The following PDE2A variants were observed in gnomAD, a reference collection of about 807,000 sequenced individuals.
PDE2A encodes the protein phosphodiesterase 2A, also known as cGMP-dependent 3',5'-cyclic phosphodiesterase.
PDE2A carries 53 observed loss-of-function variants against 133.6 expected under a neutral mutation model. The observed-to-expected ratio is 0.40, with a 90% CI of 0.32 to 0.50. PDE2A has a LOEUF of 0.50. PDE2A is among the 20% of genes least tolerant of loss of function. PDE2A has a pLI of 0.73. For synonymous variants in PDE2A, 491 were observed against 490.2 expected (o/e 1.00, Z -0.02); for missense variants, 796 against 1,232.4 (o/e 0.65, Z 5.30).
At chr11:72,592,363 C>G (rs1445516627) in intron 6 of PDE2A, among the ~76,000 whole-genome samples, 1 of 152,216 alleles carries the variant, frequency 6.6e-6, no homozygotes, top group African/African-American at 2.4e-5. Context: ...CCTGCCTCAG[C>G]TCTGGGTCTC....
At chr11:72,600,378 G>A (rs1856685610) in intron 4 of PDE2A, among the ~76,000 whole-genome samples, 1 of 152,080 alleles carries the variant, frequency 6.6e-6, no homozygotes, top group Non-Finnish European at 1.5e-5. Flanking sequence ...CCCAAGCACT[G>A]GGGCTTCCAA....
Position 72,597,035 on chromosome 11 carries a change from G to A in PDE2A, c.434-387C>T, listed in dbSNP as rs949547624. ...CCCAGTCTTGTGCACTTTCCACATC[G>A]AGACAGAGGACAGAGACCTAGAGAG... On this transcript the variant is annotated intron_variant, in intron 5 of 30. Coordinates refer to ENST00000334456, the MANE Select transcript of PDE2A (RefSeq NM_002599.5). The surrounding 1 kb of genome is among the most constrained non-coding windows in gnomAD (Gnocchi z 4.6). Among the ~76,000 whole-genome samples, 1 of 152,108 alleles carries A rather than the reference G, an allele frequency of 6.6e-6. No individual in the cohort carries two copies. The highest frequency in any genetic ancestry group is 2.4e-5 in the African/African-American group (1 of 41,394).
intron 2 of PDE2A, among the ~76,000 whole-genome samples, chr11:72,628,098 C>T (rs1858176507): frequency 6.6e-6 from 1 of 152,196 alleles, no homozygotes; most frequent in South Asian, 2.1e-4. Flanking sequence ...ATAGAACTTC[C>T]ATAAGCCTCA....
chr11:72,659,930 T>C lies in PDE2A; in HGVS notation c.71+14207A>G, dbSNP rs184252456. Among the ~76,000 whole-genome samples, 192 of 152,294 alleles carry C rather than the reference T, an allele frequency of 1.3e-3. 1 individual carries two copies. Among genetic ancestry groups the C allele is most frequent in the African/African-American group, 4.5e-3 (186 of 41,554 alleles). ...CATCCCTTCCCCTGCCTGGCTGCAC[T>C]GCCTCTGCCAGGAACCAAGGCCCAG... On this transcript the variant is annotated intron_variant, in intron 1 of 30. Coordinates refer to ENST00000334456, the MANE Select transcript of PDE2A (RefSeq NM_002599.5).
chr11:72,580,799 C>A (rs775815505), intron 24 of PDE2A, 87 bp downstream of exon 24: 74 of 1,010,802 alleles, frequency 7.3e-5, no homozygotes, highest in Non-Finnish European at 1.2e-4. Flanking sequence ...TGGTCTCACT[C>A]GCTCCCACCC....
At chr11:72,652,714 C>T (rs529739683) in intron 1 of PDE2A, 16 of 456,296 alleles carry the variant, frequency 3.5e-5, no homozygotes, top group South Asian at 2.0e-4. Flanking sequence ...TGAGGTCATT[C>T]GTCCAAAGTC....
At chr11:72,649,548 T>C (rs1484756201) in intron 1 of PDE2A, among the ~76,000 whole-genome samples, 2 of 152,254 alleles carry the variant, frequency 1.3e-5, no homozygotes, top group Non-Finnish European at 2.9e-5. Flanking sequence ...CCCAGGGACG[T>C]CTGGAAGGTG....
chr11:72,657,038 T>C (rs1238939496), intron 1 of PDE2A, among the ~76,000 whole-genome samples: 1 of 151,806 alleles, frequency 6.6e-6, no homozygotes, highest in African/African-American at 2.4e-5. Context: ...CATCTGTCGC[T>C]CCCCCATCCC....
chr11:72,671,656 C>A (rs985075442), intron 1 of PDE2A, among the ~76,000 whole-genome samples: 1 of 152,102 alleles, frequency 6.6e-6, no homozygotes, highest in Non-Finnish European at 1.5e-5. Flanking sequence ...AGACAATTAA[C>A]CCTCACTGAG....
At chr11:72,591,449 C>T (rs1856244719) in intron 6 of PDE2A, 93 bp from the exon 7 acceptor site, 1 of 889,650 alleles carries the variant, frequency 1.1e-6, no homozygotes, top group East Asian at 2.4e-5. Context: ...CACTGGTCCC[C>T]ACCAACACAT....
intron 18 of PDE2A, 35 bp from the exon 19 acceptor site, chr11:72,584,348 G>A (rs1855860544): frequency 1.4e-6 from 2 of 1,419,506 alleles, no homozygotes; most frequent in Non-Finnish European, 2.0e-6. Context: ...ACCACCGGTG[G>A]AGGGAGGGAT....
intron 2 of PDE2A, chr11:72,615,174 G>T (rs529758654): frequency 1.1e-5 from 5 of 448,576 alleles, no homozygotes; most frequent in Admixed American, 6.3e-5. Context: ...CCATCCACAG[G>T]AGCCTGACCC....
At chr11:72,630,831 G>A (rs1858339647) in intron 2 of PDE2A, among the ~76,000 whole-genome samples, 1 of 152,042 alleles carries the variant, frequency 6.6e-6, no homozygotes, top group African/African-American at 2.4e-5. Context: ...GGACAAGGGA[G>A]GAGTCTGTAG....
intron 2 of PDE2A, among the ~76,000 whole-genome samples, chr11:72,617,359 G>A (rs1427782655): frequency 6.6e-6 from 1 of 152,184 alleles, no homozygotes; most frequent in African/African-American, 2.4e-5. Flanking sequence ...GTCTTCTTAG[G>A]GACAAGATAG....
intron 4 of PDE2A, among the ~76,000 whole-genome samples, chr11:72,601,506 A>G (rs1856751377): frequency 6.6e-6 from 1 of 151,772 alleles, no homozygotes; most frequent in African/African-American, 2.4e-5. Flanking sequence ...AGCTTAGGGG[A>G]AGAAATTTCT....
chr11:72,584,553 T>A lies in PDE2A; in HGVS notation c.1535A>T (p.Gln512Leu). 6.2e-7 allele frequency: 1 copy of A among 1,608,096 alleles called. No homozygotes were observed. Among genetic ancestry groups the A allele is most frequent in the Non-Finnish European group, 8.5e-7 (1 of 1,178,162 alleles). Reference sequence around the variant, plus strand: ...TCCGCCCGGGCCGCCACGCGCACCCTGGTTCTCGTTCTTGATGGGGAAGCA... The same window carrying A: ...TCCGCCCGGGCCGCCACGCGCACCCAGGTTCTCGTTCTTGATGGGGAAGCA... ...ILCFPIKNEN[Q>L]EVIGVAELVN... The change falls in exon 18 of 31, where the codon CAG becomes CTG. Residue 512 changes from glutamine to leucine, a missense_variant and splice_region_variant. By Grantham distance (113) the Gln-to-Leu change is moderately radical (BLOSUM62 -2). Around this residue, in one of 7 missense-constraint regions of PDE2A, gnomAD observed 218 missense variants for 465.9 expected, o/e 0.47. Transcript: ENST00000334456.
chr11:72,658,190 T>C (rs983823901), intron 1 of PDE2A: 4 of 449,718 alleles, frequency 8.9e-6, no homozygotes, highest in Non-Finnish European at 1.8e-5. Flanking sequence ...TATCGCTGCC[T>C]TCTCTGAACT....
chr11:72,581,259 G>A, intron 23 of PDE2A, 98 bp downstream of exon 23: 2 of 1,218,498 alleles, frequency 1.6e-6, no homozygotes, highest in Non-Finnish European at 2.4e-6. Flanking sequence ...ATCCCATGAG[G>A]CAGTGCGTGT....
intron 7 of PDE2A, 76 bp downstream of exon 7, chr11:72,591,221 C>G: frequency 7.9e-7 from 1 of 1,258,772 alleles, no homozygotes; most frequent in Non-Finnish European, 1.2e-6. Context: ...CTGTCCAGCT[C>G]CCTGGCCAGG....
Sources: gnomAD v4.1 joint callset for allele counts (sites outside exome capture counted in the v4.1 genomes callset) on GRCh38, gnomAD v4.1.1 for gene constraint, gnomAD v4.1.1 regional missense constraint, Gnocchi (gnomAD v3.1) non-coding constraint, MANE v1.5 for transcripts, NCBI Gene and HGNC (gene_info 2026-07-23, HGNC 2026-07-21) for gene names.